Variants in PRR16 observed in about 807,000 individuals in gnomAD.
The protein encoded by PRR16 is protein Largen.
PRR16 carries 6 observed loss-of-function variants against 18.2 expected under a neutral mutation model. The ratio of observed to expected loss-of-function variants is 0.33; its 90% CI spans 0.18 to 0.65. PRR16 has a LOEUF of 0.65. Ranked by LOEUF, PRR16 falls within the 30% of genes least tolerant of loss-of-function variation. The pLI is 0.74. For missense variants in PRR16, 412 were observed against 376.6 expected (o/e 1.09, Z -0.78); for synonymous variants, 151 against 147.8 (o/e 1.02, Z -0.16).
At chr5:120,794,434 A>G in the PRR16 span, among the ~76,000 whole-genome samples, 2 of 152,126 alleles carry the variant, frequency 1.3e-5, no homozygotes, top group African/African-American at 4.8e-5. Flanking sequence ...TATTTCAAGC[A>G]TATGCATCAT....
intron 1 of PRR16, among the ~76,000 whole-genome samples, chr5:120,606,381 A>T (rs1561570709): frequency 6.6e-6 from 1 of 151,042 alleles, no homozygotes; most frequent in Non-Finnish European, 1.5e-5. Context: ...AGTCATTTAT[A>T]TTTCAAATAT....
At chr5:120,519,489 G>A (rs1341950863) in intron 1 of PRR16, among the ~76,000 whole-genome samples, 2 of 152,202 alleles carry the variant, frequency 1.3e-5, no homozygotes, top group Admixed American at 1.3e-4. Context: ...TTATATATAA[G>A]TAATTGTTTT....
chr5:120,667,139 C>T (rs1756409898), intron 1 of PRR16, among the ~76,000 whole-genome samples: 1 of 152,174 alleles, frequency 6.6e-6, no homozygotes, highest in Admixed American at 6.6e-5. Flanking sequence ...ATTTCCGATC[C>T]TGTTATTGGT....
intron 1 of PRR16, among the ~76,000 whole-genome samples, chr5:120,626,944 T>C (rs1411714273): frequency 1.3e-5 from 2 of 152,122 alleles, no homozygotes; most frequent in Non-Finnish European, 2.9e-5. Context: ...AAAATTTGTC[T>C]TTTCAAATGA....
At chr5:120,723,004 T>G in the PRR16 span, among the ~76,000 whole-genome samples, 1 of 151,734 alleles carries the variant, frequency 6.6e-6, no homozygotes, top group Non-Finnish European at 1.5e-5. Flanking sequence ...TTACTGATGT[T>G]TTAACAAATA....
At chr5:120,787,887 C>G in the PRR16 span, among the ~76,000 whole-genome samples, 1 of 151,930 alleles carries the variant, frequency 6.6e-6, no homozygotes, top group Non-Finnish European at 1.5e-5. Flanking sequence ...TAAAAGGACA[C>G]CCTGTCCTCT....
intron 1 of PRR16, among the ~76,000 whole-genome samples, chr5:120,612,424 T>C (rs1754365474): frequency 6.6e-6 from 1 of 152,144 alleles, no homozygotes; most frequent in African/African-American, 2.4e-5. Context: ...TTGAATTGTA[T>C]CTCCCAGAAT....
At chr5:120,720,247 T>C in the PRR16 span, among the ~76,000 whole-genome samples, 59 of 152,140 alleles carry the variant, frequency 3.9e-4, no homozygotes, top group East Asian at 0.011. Flanking sequence ...TTAATGTCCC[T>C]ACTTATTTCA....
At chr5:120,597,354 G>T (rs1368993444) in intron 1 of PRR16, among the ~76,000 whole-genome samples, 2 of 151,426 alleles carry the variant, frequency 1.3e-5, no homozygotes, top group Non-Finnish European at 3.0e-5. Context: ...GTATTCCAGG[G>T]TTATAAAACT....
chr5:120,490,320 G>T (rs888784010), intron 1 of PRR16, among the ~76,000 whole-genome samples: 21 of 152,154 alleles, frequency 1.4e-4, no homozygotes, highest in African/African-American at 5.1e-4. Context: ...GTTTCAGATA[G>T]TCCCATATTT....
Position 120,664,202 on chromosome 5 carries a change from G to A in PRR16, c.160-21752G>A, listed in dbSNP as rs1756278139. Among the ~76,000 whole-genome samples, 3 of 152,088 alleles carry A rather than the reference G, an allele frequency of 2.0e-5. No homozygotes were observed. In the South Asian group the frequency reaches 6.2e-4, roughly 32 times the overall value. ...TAATCCCAGCTACTCAGAATGCTGA[G>A]GCAGGAGAATTGCTTGAACCTGGGA... On this transcript the variant is annotated intron_variant, in intron 1 of 1. Transcript: ENST00000407149.
intron 1 of PRR16, among the ~76,000 whole-genome samples, chr5:120,594,596 G>GA (rs1465624542): frequency 2.0e-5 from 3 of 151,900 alleles, no homozygotes; most frequent in Non-Finnish European, 2.9e-5. Flanking sequence ...CACAGTACTA[G>GA]AAAAAAACTA....
chr5:120,778,833 AAGC>A, the PRR16 span, among the ~76,000 whole-genome samples: 1 of 152,172 alleles, frequency 6.6e-6, no homozygotes. Context: ...GTAAAGATGA[AAGC>A]AGCATTTGAT....
At chr5:120,623,041 T>C (rs577978822) in intron 1 of PRR16, among the ~76,000 whole-genome samples, 7 of 152,198 alleles carry the variant, frequency 4.6e-5, no homozygotes, top group African/African-American at 1.4e-4. Flanking sequence ...AAAGGTAATA[T>C]AAAGTAATGT....
the PRR16 span, among the ~76,000 whole-genome samples, chr5:120,750,558 T>C: frequency 5.9e-5 from 9 of 151,644 alleles, no homozygotes; most frequent in Admixed American, 5.9e-4. Context: ...TCCCAGTTAC[T>C]GAGGAGGCTG....
chr5:120,504,284 T>A (rs956367020), intron 1 of PRR16, among the ~76,000 whole-genome samples: 1 of 152,108 alleles, frequency 6.6e-6, no homozygotes, highest in Non-Finnish European at 1.5e-5. Flanking sequence ...TTGCATCACC[T>A]CAAGTTGTAA....
chr5:120,624,146 A>G (rs1309106107), intron 1 of PRR16, among the ~76,000 whole-genome samples: 1 of 152,164 alleles, frequency 6.6e-6, no homozygotes, highest in East Asian at 1.9e-4. Flanking sequence ...ATGACTGATT[A>G]GGAAGAGAAC....
intron 1 of PRR16, among the ~76,000 whole-genome samples, chr5:120,589,281 G>A (rs913565881): frequency 7.9e-5 from 12 of 151,666 alleles, no homozygotes; most frequent in African/African-American, 2.9e-4. Context: ...ATTTCTTATT[G>A]GCTCCAACTT....
At chr5:120,593,363 C>A (rs1753699751) in intron 1 of PRR16, among the ~76,000 whole-genome samples, 1 of 151,980 alleles carries the variant, frequency 6.6e-6, no homozygotes, top group Non-Finnish European at 1.5e-5. Context: ...CTAGAGACTA[C>A]TAGGAATACC....
Sources: gnomAD v4.1 joint callset for allele counts (sites outside exome capture counted in the v4.1 genomes callset) on GRCh38, gnomAD v4.1.1 for gene constraint, MANE v1.5 for transcripts, NCBI Gene and HGNC (gene_info 2026-07-23, HGNC 2026-07-21) for gene names.